The following DIP2C variants were observed in gnomAD, a reference collection of about 807,000 sequenced individuals.
DIP2C encodes the protein disco-interacting protein 2 homolog C.
Under a neutral mutation model 192.4 loss-of-function variants are expected in DIP2C, and 33 were observed. That is an observed-to-expected ratio of 0.17 (90% CI 0.13 to 0.23). DIP2C has a LOEUF of 0.23. DIP2C is among the 10% of genes least tolerant of loss of function. DIP2C has a pLI of 1.00. For missense variants in DIP2C, 1,537 were observed against 2,110.1 expected (o/e 0.73, Z 5.32); for synonymous variants, 979 against 864.1 (o/e 1.13, Z -2.33).
chr10:341,291 A>T lies in DIP2C; in HGVS notation c.3492T>A (p.Ile1164=), dbSNP rs768731404. The change falls in exon 29 of 37, where the codon ATT becomes ATA. Residue 1164 remains isoleucine, a synonymous_variant. Transcript: ENST00000280886. ...HAATSAFCRS[I]KLQCELYPSR... ...AGGGGTAAAGTTCACACTGCAGCTT[A>T]ATGGAACGGCAGAAGGCACTGGTGG... is the stretch of plus-strand genomic sequence containing the variant. 2 of 1,614,202 alleles carry T rather than the reference A, an allele frequency of 1.2e-6. No homozygotes were observed. The highest frequency in any genetic ancestry group is 1.7e-5 in the Admixed American group (1 of 60,036).
intron 3 of DIP2C, among the ~76,000 whole-genome samples, chr10:464,719 G>A (rs1412203049): frequency 4.6e-5 from 7 of 152,206 alleles, no homozygotes; most frequent in African/African-American, 9.6e-5. Flanking sequence ...GCAAAAACTC[G>A]GATCCAACCC....
chr10:357,768 GGTCGGGGACAGTCGGAAAA>G (rs1251245853), intron 23 of DIP2C, 41 bp downstream of exon 23: 9 of 1,318,974 alleles, frequency 6.8e-6, no homozygotes, highest in Admixed American at 3.5e-5. Flanking sequence ...GGTCGCAGAT[GGTCGGGGACAGTCGGAAAA>G]GTCGGGGACG....
At position 613,093 on chromosome 10, in the gene DIP2C, AAGG is replaced by A. The variant is rs752524304; in HGVS notation, c.85+76398_85+76400del. 2.0e-5 allele frequency among the ~76,000 whole-genome samples: 3 copies of A among 152,194 alleles called. No homozygotes were observed. The South Asian group carries it at 6.2e-4, about 32-fold the overall frequency. On this transcript the variant is annotated intron_variant, in intron 1 of 36. Transcript: ENST00000280886. ...ATGGCCCAAGGTCTAGGACCGTTCT[AAGG>A]AGAGCTACAGGCTGACTGCCTCGTC...
chr10:622,698 G>T (rs897932231), intron 1 of DIP2C, among the ~76,000 whole-genome samples: 1 of 152,164 alleles, frequency 6.6e-6, no homozygotes, highest in Non-Finnish European at 1.5e-5. Flanking sequence ...ATGACGTGTA[G>T]GATACCCCTT....
chr10:312,945 C>A (rs1956625208), intron 31 of DIP2C, among the ~76,000 whole-genome samples: 1 of 152,120 alleles, frequency 6.6e-6, no homozygotes, highest in African/African-American at 2.4e-5. Context: ...AAGGTGGTAT[C>A]TCAGGAAAAA....
intron 24 of DIP2C, among the ~76,000 whole-genome samples, chr10:351,918 G>A (rs117803025): frequency 0.01 from 1,556 of 152,212 alleles, 7 homozygotes; most frequent in African/African-American, 0.012. Context: ...AGTCCACCCC[G>A]ACTCCAGGGG....
rs1396074124 is a variant in DIP2C at position 689,399 on chromosome 10, G to T, written c.85+95C>A. On this transcript the variant is annotated intron_variant, in intron 1 of 36. Coordinates refer to ENST00000280886, the MANE Select transcript of DIP2C (RefSeq NM_014974.3). This position sits in a 1 kb window ranked among gnomAD's most constrained non-coding sequence, Gnocchi z 6.1. ...GGTCGCACCTCCCCCTCCGGGCCCG[G>T]CCCCCGCCCCGCCGCAGGCCCCGCG... 3 of 743,600 alleles carry T rather than the reference G, an allele frequency of 4.0e-6. No individual in the cohort carries two copies. The highest frequency in any genetic ancestry group is 3.9e-5 in the African/African-American group (2 of 51,930). 46.1% of individuals were successfully genotyped at this position (743,600 alleles called of 1,614,324 possible).
At chr10:478,831 G>A (rs574127221) in intron 2 of DIP2C, among the ~76,000 whole-genome samples, 18 of 152,090 alleles carry the variant, frequency 1.2e-4, no homozygotes, top group South Asian at 4.2e-4. Context: ...GTGTCCGGGC[G>A]TGCTGGGGGT....
intron 17 of DIP2C, among the ~76,000 whole-genome samples, chr10:376,950 C>T (rs1049843787): frequency 6.6e-5 from 10 of 152,046 alleles, no homozygotes; most frequent in Non-Finnish European, 1.3e-4. Context: ...AGTGAGATTG[C>T]GATTTTTAAT....
At chr10:502,995 CAG>C (rs1845347770) in intron 1 of DIP2C, among the ~76,000 whole-genome samples, 4 of 151,478 alleles carry the variant, frequency 2.6e-5, no homozygotes, top group Admixed American at 6.6e-5. Context: ...CACCGACCTG[CAG>C]ACTTATTACA....
intron 3 of DIP2C, among the ~76,000 whole-genome samples, chr10:451,892 T>C (rs1968878177): frequency 6.6e-6 from 1 of 151,944 alleles, no homozygotes; most frequent in African/African-American, 2.4e-5. Context: ...TTTTAAGAAA[T>C]GTTTGCACCA....
intron 1 of DIP2C, among the ~76,000 whole-genome samples, chr10:509,259 G>A (rs996265300): frequency 2.6e-5 from 4 of 152,158 alleles, no homozygotes; most frequent in African/African-American, 4.8e-5. Context: ...TCCTAACCGC[G>A]CCAGGTATTC....
rs947174023 is a variant in DIP2C, at chr10:676,093, A to G, written c.85+13401T>C. ...TCAAGTGGGATTTCTCCCAGGATGCAAGGATGGCTCAACAAACACAAACCA... is the reference window on the plus strand; with the variant it reads ...TCAAGTGGGATTTCTCCCAGGATGCGAGGATGGCTCAACAAACACAAACCA... On this transcript the variant is annotated intron_variant, in intron 1 of 36. Transcript: ENST00000280886. Among the ~76,000 whole-genome samples, 4 of 152,234 alleles carry G rather than the reference A, an allele frequency of 2.6e-5. No individual in the cohort carries two copies. In the East Asian group the frequency reaches 7.7e-4, roughly 29 times the overall value.
At position 369,749 on chromosome 10, in the gene DIP2C, C is replaced by G. The variant is rs188025686; in HGVS notation, c.1992-116G>C. 1,896 of 1,545,508 alleles carry G rather than the reference C, an allele frequency of 1.2e-3. 33 individuals carry two copies. The highest frequency in any genetic ancestry group is 1.9e-4 in the Non-Finnish European group (218 of 1,130,254). On this transcript the variant is annotated intron_variant, in intron 17 of 36. Transcript: ENST00000280886. ...CACCTCTGGGCACAGTGCTGGCACC[C>G]CAGGCACAGTGCTGGCTGCCCATGT...
At chr10:492,105 C>T (rs563859538) in intron 1 of DIP2C, among the ~76,000 whole-genome samples, 28 of 152,344 alleles carry the variant, frequency 1.8e-4, no homozygotes, top group Admixed American at 1.6e-3. Flanking sequence ...TGATGTCAAC[C>T]ACCATCTAGG....
rs576842587 is a variant in DIP2C at position 606,650 on chromosome 10, G to A, written c.85+82844C>T. On this transcript the variant is annotated intron_variant, in intron 1 of 36. Coordinates refer to ENST00000280886, the MANE Select transcript of DIP2C (RefSeq NM_014974.3). Reference sequence around the variant, plus strand: ...GAGGGGATCTCATGGCCCCACTGCTGTAATTACGTGCTGTGATCTGAATTC... The same window carrying A: ...GAGGGGATCTCATGGCCCCACTGCTATAATTACGTGCTGTGATCTGAATTC... 6.6e-4 allele frequency among the ~76,000 whole-genome samples: 100 copies of A among 152,236 alleles called. 1 individual carries two copies. The highest frequency in any genetic ancestry group is 2.5e-4 in the Non-Finnish European group (17 of 68,042).
chr10:327,205 AG>A (rs750872478), intron 30 of DIP2C, 29 bp from the exon 31 acceptor site: 2 of 1,604,954 alleles, frequency 1.2e-6, no homozygotes, highest in Non-Finnish European at 1.7e-6. Context: ...AAACCGAGTC[AG>A]CCCCCACGTG....
intron 3 of DIP2C, among the ~76,000 whole-genome samples, chr10:459,081 A>T (rs1969539193): frequency 6.6e-6 from 1 of 152,150 alleles, no homozygotes; most frequent in Admixed American, 6.5e-5. Context: ...TGAAAACCTT[A>T]AAAAGCTTTT....
At chr10:591,837 C>T (rs921950025) in intron 1 of DIP2C, among the ~76,000 whole-genome samples, 8 of 152,194 alleles carry the variant, frequency 5.3e-5, no homozygotes, top group Admixed American at 1.3e-4. Context: ...GGGACCTCTC[C>T]TCAGACGTCC....
Sources: gnomAD v4.1 joint callset for allele counts (sites outside exome capture counted in the v4.1 genomes callset) on GRCh38, gnomAD v4.1.1 for gene constraint, Gnocchi (gnomAD v3.1) non-coding constraint, MANE v1.5 for transcripts, NCBI Gene and HGNC (gene_info 2026-07-23, HGNC 2026-07-21) for gene names.